Variants in PCDHGA4 observed in about 807,000 individuals in gnomAD.
PCDHGA4 encodes the protein protocadherin gamma-A4.
A neutral mutation model predicts 54.6 loss-of-function variants in PCDHGA4; 38 were observed. The observed-to-expected ratio is 0.70, with a 90% CI of 0.54 to 0.91. The LOEUF is 0.91. Among genes scored for constraint, PCDHGA4 ranks in the 40% least tolerant of loss-of-function variants. PCDHGA4 has a pLI of 0.00. For synonymous variants in PCDHGA4, 511 were observed against 512.9 expected (o/e 1.00, Z 0.05); for missense variants, 1,298 against 1,220.9 (o/e 1.06, Z -0.94).
At position 141,394,517 on chromosome 5, in the gene PCDHGA4, C is replaced by T. The variant is rs1226195225; in HGVS notation, c.2514+36896C>T. On this transcript the variant is annotated intron_variant, in intron 1 of 3. Transcript: ENST00000571252. ...CCGAGATCCTGTACCCCGCCCTCCC[C>T]ACAGACGGTTCCACTGGCGTGGAGC... 5 of 1,614,116 alleles carry T rather than the reference C, an allele frequency of 3.1e-6. No individual in the cohort carries two copies. The Admixed American group carries it at 5.0e-5, about 16-fold the overall frequency.
intron 1 of PCDHGA4, among the ~76,000 whole-genome samples, chr5:141,456,854 T>C (rs924765803): frequency 7.2e-5 from 11 of 151,950 alleles, no homozygotes; most frequent in Non-Finnish European, 1.3e-4. Context: ...TCCCAGCTAA[T>C]TGGGAGGCTG....
chr5:141,372,354 C>T lies in PCDHGA4; in HGVS notation c.2514+14733C>T. The T allele has an allele frequency of 1.2e-6, 2 of 1,613,946 alleles. No individual in the cohort carries two copies. Among genetic ancestry groups the T allele is most frequent in the Non-Finnish European group, 8.5e-7 (1 of 1,179,902 alleles). On this transcript the variant is annotated intron_variant, in intron 1 of 3. Coordinates refer to ENST00000571252, the MANE Select transcript of PCDHGA4 (RefSeq NM_018917.4). ...TGTGCGTGATGGAGGACAGCAGCCT[C>T]TTTCAGCCACCGTCATGCTGCACCT...
chr5:141,375,539 CAA>C lies in PCDHGA4; in HGVS notation c.2514+17919_2514+17920del, dbSNP rs761563017. The C allele has an allele frequency of 1.7e-5, 28 of 1,613,986 alleles. No homozygotes were observed. The East Asian group carries it at 6.0e-4, about 35-fold the overall frequency. On this transcript the variant is annotated intron_variant, in intron 1 of 3. Transcript: ENST00000571252. ...GGACCCTGACGTGGACCAGAACGCC[CAA>C]GTCTCCTACTCACTGGCAGAAGACA...
intron 1 of PCDHGA4, chr5:141,398,873 T>G (rs2093718804): frequency 5.0e-6 from 8 of 1,613,254 alleles, no homozygotes; most frequent in Non-Finnish European, 6.8e-6. Context: ...GTGTACAGAG[T>G]CAGCCTTCGG....
At chr5:141,400,018 A>G in intron 1 of PCDHGA4, 2 of 1,612,648 alleles carry the variant, frequency 1.2e-6, no homozygotes, top group African/African-American at 1.3e-5. Context: ...CTTGGGCGAC[A>G]GGGACGCGGC....
intron 1 of PCDHGA4, chr5:141,362,616 G>A (rs964810850): frequency 2.6e-6 from 4 of 1,543,942 alleles, no homozygotes; most frequent in Non-Finnish European, 3.5e-6. Flanking sequence ...ATTTGGGTAG[G>A]AAGTTCCACT....
At position 141,357,005 on chromosome 5, in the gene PCDHGA4, C is replaced by T; in HGVS notation, c.1898C>T (p.Ala633Val). The T allele has an allele frequency of 6.2e-7, 1 of 1,614,148 alleles. No individual in the cohort carries two copies. The highest frequency in any genetic ancestry group is 8.5e-7 in the Non-Finnish European group (1 of 1,179,984). ...GTGGACAGAGACTCAGGTCAGAATG[C>T]CTGGCTGTCCTACAGCCTACTCAAG... Reference protein sequence around the residue: ...VAVDRDSGQNAWLSYSLLKSS... With the variant: ...VAVDRDSGQNVWLSYSLLKSS... The change falls in exon 1 of 4, where the codon GCC becomes GTC. Residue 633 changes from alanine to valine, a missense_variant. Transcript: ENST00000571252.
At chr5:141,423,357 C>G in intron 1 of PCDHGA4, 1 of 1,614,214 alleles carries the variant, frequency 6.2e-7, no homozygotes. Context: ...TCTTTGTCAT[C>G]GTGCTGCTGG....
Position 141,476,264 on chromosome 5 carries a change from G to C in PCDHGA4, c.2515-18543G>C, listed in dbSNP as rs753184649. The C allele has an allele frequency of 6.2e-7, 1 of 1,614,082 alleles. No individual in the cohort carries two copies. Among genetic ancestry groups the C allele is most frequent in the Non-Finnish European group, 8.5e-7 (1 of 1,180,010 alleles). On this transcript the variant is annotated intron_variant, in intron 1 of 3. Transcript: ENST00000571252. This position sits in a 1 kb window ranked among gnomAD's most constrained non-coding sequence, Gnocchi z 7.6. ...AGAGAAGGGTTTCGCTGTGGGCAAC[G>C]TGGTCGCGAACCTTGGTTTGGATCT...
chr5:141,383,853 G>A (rs942698942), intron 1 of PCDHGA4: 7 of 1,613,828 alleles, frequency 4.3e-6, no homozygotes, highest in African/African-American at 2.7e-5. Flanking sequence ...ATGAAATGGA[G>A]GTTCAGGCTC....
chr5:141,471,747 T>A (rs2099263878), intron 1 of PCDHGA4, among the ~76,000 whole-genome samples: 1 of 152,200 alleles, frequency 6.6e-6, no homozygotes, highest in African/African-American at 2.4e-5. Context: ...ACATAACATA[T>A]TTGAGGGTGT....
At position 141,476,359 on chromosome 5, in the gene PCDHGA4, G is replaced by A; in HGVS notation, c.2515-18448G>A. On this transcript the variant is annotated intron_variant, in intron 1 of 3. Coordinates refer to ENST00000571252, the MANE Select transcript of PCDHGA4 (RefSeq NM_018917.4). This position sits in a 1 kb window ranked among gnomAD's most constrained non-coding sequence, Gnocchi z 7.6. ...GCCGAAGATTCTTTGAGGTGAACCG[G>A]GAGACCGGAGAGATGTTTGTGAACG... The A allele has an allele frequency of 6.2e-7, 1 of 1,614,170 alleles. No individual in the cohort carries two copies. The highest frequency in any genetic ancestry group is 8.5e-7 in the Non-Finnish European group (1 of 1,180,020).
Position 141,374,101 on chromosome 5 carries a change from G to C in PCDHGA4, c.2514+16480G>C, listed in dbSNP as rs752730619. ...AGCCAGTAATGGCGCCTCCGCAGAG[G>C]CATCCGCAGCGCAGCGAGCAGGTCC... On this transcript the variant is annotated intron_variant, in intron 1 of 3. Coordinates refer to ENST00000571252, the MANE Select transcript of PCDHGA4 (RefSeq NM_018917.4). 1 of 1,565,508 alleles carries C rather than the reference G, an allele frequency of 6.4e-7. No homozygotes were observed. Among genetic ancestry groups the C allele is most frequent in the Admixed American group, 1.9e-5 (1 of 53,132 alleles).
intron 1 of PCDHGA4, chr5:141,383,239 A>G: frequency 6.2e-7 from 1 of 1,613,966 alleles, no homozygotes; most frequent in Non-Finnish European, 8.5e-7. Flanking sequence ...GGAAGATAAA[A>G]TGAATCTTTA....
chr5:141,429,760 C>A (rs1036499079), intron 1 of PCDHGA4, among the ~76,000 whole-genome samples: 1 of 152,020 alleles, frequency 6.6e-6, no homozygotes, highest in Non-Finnish European at 1.5e-5. Flanking sequence ...AATTTTTTCC[C>A]TATATTTTGA....
intron 2 of PCDHGA4, among the ~76,000 whole-genome samples, chr5:141,502,654 C>T (rs1424933188): frequency 6.6e-6 from 1 of 152,230 alleles, no homozygotes; most frequent in South Asian, 2.1e-4. Context: ...TAGGCAGCAA[C>T]CCTTCATGCA....
At chr5:141,384,368 C>A (rs748304499) in intron 1 of PCDHGA4, 3 of 1,613,790 alleles carry the variant, frequency 1.9e-6, no homozygotes, top group Non-Finnish European at 2.5e-6. Flanking sequence ...ATCACTTATT[C>A]CTTGGCCGAA....
chr5:141,418,862 G>C (rs749632113), intron 1 of PCDHGA4: 1 of 1,613,994 alleles, frequency 6.2e-7, no homozygotes, highest in Non-Finnish European at 8.5e-7. Context: ...TAAAGTAATT[G>C]TAGAAGTTGT....
intron 1 of PCDHGA4, chr5:141,421,282 A>G (rs762064258): frequency 7.4e-6 from 12 of 1,613,034 alleles, no homozygotes; most frequent in Non-Finnish European, 1.0e-5. Context: ...GCTGCTGTGC[A>G]TTTTCCTGGG....
Sources: gnomAD v4.1 joint callset for allele counts (sites outside exome capture counted in the v4.1 genomes callset) on GRCh38, gnomAD v4.1.1 for gene constraint, Gnocchi (gnomAD v3.1) non-coding constraint, MANE v1.5 for transcripts, NCBI Gene and HGNC (gene_info 2026-07-23, HGNC 2026-07-21) for gene names.